RELN: variants seen among roughly 807,000 people sequenced by gnomAD.
The protein encoded by RELN is reelin.
In RELN, 108 loss-of-function variants were observed where a neutral mutation model predicts 427.6. That is an observed-to-expected ratio of 0.25 (90% CI 0.22 to 0.30). The LOEUF (loss-of-function observed/expected upper bound fraction) is 0.30, where lower values mean the gene tolerates loss of function less well. Among genes scored for constraint, RELN ranks in the 10% least tolerant of loss-of-function variants. The pLI is 1.00. For missense variants in RELN, 3,715 were observed against 4,302.8 expected, an observed-to-expected ratio of 0.86 and a Z score of 3.82; for synonymous variants, 1,524 against 1,513.4, an observed-to-expected ratio of 1.01 and a Z score of -0.16.
chr7:103,678,028 G>A (rs769374079), intron 11 of RELN, among the ~76,000 whole-genome samples: 43 of 151,916 alleles, frequency 2.8e-4, no homozygotes, highest in Admixed American at 7.9e-4. Flanking sequence ...TTCATTTTCC[G>A]TCATTTCCAA....
chr7:103,748,652 A>G lies in RELN; in HGVS notation c.656+774T>C, dbSNP rs185206345. Among the ~76,000 whole-genome samples the G allele has an allele frequency of 2.2e-3, 328 of 152,332 alleles. 1 individual carries two copies. The highest frequency in any genetic ancestry group is 7.3e-3 in the African/African-American group (304 of 41,586). On this transcript the variant is annotated intron_variant, in intron 6 of 64. Coordinates refer to ENST00000428762, the MANE Select transcript of RELN (RefSeq NM_005045.4). ...AAAAGTGAAAATAAAACAGAAATGA[A>G]TATCATATGCTGACATTCAAGGATG... is the stretch of plus-strand genomic sequence containing the variant.
chr7:103,497,972 A>C (rs1364513180), intron 54 of RELN, 46 bp from the exon 55 acceptor site: 1 of 1,603,590 alleles, frequency 6.2e-7, no homozygotes. Context: ...CATTAGAACA[A>C]ATACTCTACT....
intron 31 of RELN, among the ~76,000 whole-genome samples, chr7:103,570,709 C>G (rs978655145): frequency 3.9e-5 from 6 of 152,354 alleles, no homozygotes; most frequent in Middle Eastern, 6.8e-3. Flanking sequence ...TGGCTGGCAA[C>G]ATCCAGAATC....
intron 1 of RELN, among the ~76,000 whole-genome samples, chr7:103,930,638 A>T (rs1795841061): frequency 6.6e-6 from 1 of 151,782 alleles, no homozygotes; most frequent in Admixed American, 6.6e-5. Context: ...CTAATTTTTA[A>T]AATTTTTCAG....
chr7:103,529,766 T>C (rs930787357), intron 46 of RELN, among the ~76,000 whole-genome samples: 20 of 152,204 alleles, frequency 1.3e-4, no homozygotes, highest in African/African-American at 4.6e-4. Context: ...AAACTGTATT[T>C]ATTTCCAGTA....
At chr7:103,515,887 T>C (rs1829556081) in intron 49 of RELN, among the ~76,000 whole-genome samples, 1 of 152,226 alleles carries the variant, frequency 6.6e-6, no homozygotes, top group Admixed American at 6.5e-5. Context: ...ACTTGGGGTA[T>C]GGACACTGGA....
At chr7:103,807,286 T>C (rs1385678891) in intron 3 of RELN, among the ~76,000 whole-genome samples, 3 of 152,046 alleles carry the variant, frequency 2.0e-5, no homozygotes, top group African/African-American at 7.2e-5. Context: ...AACAGATAAG[T>C]TGCAACTAAC....
chr7:103,684,900 A>G (rs1455236451), intron 10 of RELN, among the ~76,000 whole-genome samples: 1 of 152,206 alleles, frequency 6.6e-6, no homozygotes, highest in African/African-American at 2.4e-5. Context: ...TCTATTTTAA[A>G]CTATTTTTCA....
At chr7:103,499,744 G>C (rs1400166100) in intron 53 of RELN, among the ~76,000 whole-genome samples, 1 of 152,128 alleles carries the variant, frequency 6.6e-6, no homozygotes, top group African/African-American at 2.4e-5. Flanking sequence ...GGTTAACCAC[G>C]TAAACTTTCA....
chr7:103,534,779 G>T (rs929986759), intron 46 of RELN, among the ~76,000 whole-genome samples: 10 of 152,130 alleles, frequency 6.6e-5, no homozygotes, highest in African/African-American at 2.4e-4. Context: ...TTTCCATAGA[G>T]ACAAGAATGA....
chr7:103,825,748 A>C lies in RELN; in HGVS notation c.473+7789T>G, dbSNP rs74492006. ...GCCATATGTGGCTACTGAGAACTCA[A>C]AATGTGGCTGGTACAACTGAGGAAC... On this transcript the variant is annotated intron_variant, in intron 3 of 64. Coordinates refer to ENST00000428762, the MANE Select transcript of RELN (RefSeq NM_005045.4). 5.3e-3 allele frequency among the ~76,000 whole-genome samples: 810 copies of C among 152,280 alleles called. 6 individuals are homozygous for C. Among genetic ancestry groups the C allele is most frequent in the African/African-American group, 0.018 (758 of 41,572 alleles).
intron 64 of RELN, among the ~76,000 whole-genome samples, chr7:103,475,449 T>G (rs890441403): frequency 6.6e-6 from 1 of 152,222 alleles, no homozygotes; most frequent in African/African-American, 2.4e-5. Context: ...TGTAAATCAT[T>G]ACTCTATAAC....
rs560729405 is a variant in RELN at position 103,563,303 on chromosome 7, T to A, written c.5211-1350A>T. Among the ~76,000 whole-genome samples, 1 of 152,304 alleles carries A rather than the reference T, an allele frequency of 6.6e-6. No homozygotes were observed. Among genetic ancestry groups the A allele is most frequent in the Non-Finnish European group, 1.5e-5 (1 of 68,036 alleles). ...AGATTATAATGGATCTGAAAAAAAA[T>A]TCCTATTGCTAATTGACATCTTGAT... On this transcript the variant is annotated intron_variant, in intron 34 of 64. Transcript: ENST00000428762. This position sits in a 1 kb window ranked among gnomAD's most constrained non-coding sequence, Gnocchi z 4.1.
chr7:103,898,662 A>C (rs1170971927), intron 2 of RELN, among the ~76,000 whole-genome samples: 1 of 152,086 alleles, frequency 6.6e-6, no homozygotes, highest in Non-Finnish European at 1.5e-5. Context: ...GTTGTAATTA[A>C]GCATTTTTAT....
chr7:103,963,964 A>T (rs780306139), intron 1 of RELN, among the ~76,000 whole-genome samples: 3 of 152,148 alleles, frequency 2.0e-5, no homozygotes, highest in Non-Finnish European at 2.9e-5. Context: ...GGACTTTGGC[A>T]TCCAGGGCAA....
intron 16 of RELN, among the ~76,000 whole-genome samples, chr7:103,645,534 CATT>C (rs1238636657): frequency 6.6e-6 from 1 of 151,590 alleles, no homozygotes; most frequent in Non-Finnish European, 1.5e-5. Context: ...ATAAGACAAA[CATT>C]ATAAAATGAT....
At chr7:103,879,889 G>T (rs1794568060) in intron 2 of RELN, among the ~76,000 whole-genome samples, 1 of 152,114 alleles carries the variant, frequency 6.6e-6, no homozygotes, top group Non-Finnish European at 1.5e-5. Flanking sequence ...GTATAATCAT[G>T]CAGCTGGCTT....
At chr7:103,849,082 T>C (rs965941421) in intron 2 of RELN, among the ~76,000 whole-genome samples, 2 of 152,226 alleles carry the variant, frequency 1.3e-5, no homozygotes, top group Admixed American at 1.3e-4. Flanking sequence ...TGACCCCAGA[T>C]GATGGCATTA....
At chr7:103,744,873 C>T (rs1390211020) in intron 6 of RELN, among the ~76,000 whole-genome samples, 1 of 152,176 alleles carries the variant, frequency 6.6e-6, no homozygotes, top group African/African-American at 2.4e-5. Context: ...TGAAACTATT[C>T]CAATCAATAG....
Sources: gnomAD v4.1 joint callset for allele counts (sites outside exome capture counted in the v4.1 genomes callset) on GRCh38, gnomAD v4.1.1 for gene constraint, Gnocchi (gnomAD v3.1) non-coding constraint, MANE v1.5 for transcripts, NCBI Gene and HGNC (gene_info 2026-07-23, HGNC 2026-07-21) for gene names.